Variants in TNIP1 observed in about 807,000 individuals in gnomAD.
TNIP1 encodes TNFAIP3 interacting protein 1.
In TNIP1, 22 loss-of-function variants were observed where a neutral mutation model predicts 86.6. That is an observed-to-expected ratio of 0.25 (90% CI 0.18 to 0.36). The LOEUF (loss-of-function observed/expected upper bound fraction) is 0.36. TNIP1 is among the 10% of genes least tolerant of loss of function. The pLI, the probability that TNIP1 is intolerant of heterozygous loss-of-function variation, is 1.00. For missense variants in TNIP1, 709 were observed against 820.6 expected, an observed-to-expected ratio of 0.86 and a Z score of 1.66; for synonymous variants, 294 against 313.0, an observed-to-expected ratio of 0.94 and a Z score of 0.64.
intron 6 of TNIP1, among the ~76,000 whole-genome samples, chr5:151,052,534 C>A (rs992620343): frequency 2.0e-5 from 3 of 152,214 alleles, no homozygotes; most frequent in African/African-American, 7.2e-5. Context: ...TCTCCTTCAT[C>A]CCTGCTCCCA....
At chr5:151,038,983 A>C in intron 12 of TNIP1, 114 bp downstream of exon 12, 1 of 1,399,182 alleles carries the variant, frequency 7.1e-7, no homozygotes, top group South Asian at 1.5e-5. Context: ...ATGCCAGCTC[A>C]CTGACTGGGG....
intron 13 of TNIP1, among the ~76,000 whole-genome samples, chr5:151,036,192 T>C (rs575588036): frequency 3.3e-5 from 5 of 152,304 alleles, no homozygotes; most frequent in African/African-American, 4.8e-5. Context: ...GCTGAGACAC[T>C]GGCTAGGTTC....
intron 1 of TNIP1, chr5:151,080,443 T>C (rs1763872572): frequency 3.3e-5 from 5 of 152,254 alleles, no homozygotes; most frequent in African/African-American, 1.2e-4. Flanking sequence ...CGTACAGCGT[T>C]AAGATCAGCA....
Position 151,063,679 on chromosome 5 carries a change from C to T in TNIP1, c.205G>A (p.Asp69Asn), listed in dbSNP as rs1224360731. The change falls in exon 3 of 18, where the codon GAC (aspartate) becomes AAC (asparagine). Residue 69 changes from aspartate (D) to asparagine (N), a missense_variant. Coordinates refer to ENST00000521591, the MANE Select transcript of TNIP1 (RefSeq NM_006058.5). ...GAAGGTGGTGGGAGCAGCTCGTTGT[C>T]CTTCACTAGCTCCTCTGCCTTCTGC... ...LRQKAEELVKDNELLPPPSPS... is the reference protein window; with the variant it reads ...LRQKAEELVKNNELLPPPSPS... 2 of 1,613,992 alleles carry T rather than the reference C, an allele frequency of 1.2e-6. No individual in the cohort carries two copies. Among genetic ancestry groups the T allele is most frequent in the Non-Finnish European group, 1.7e-6 (2 of 1,180,004 alleles).
chr5:151,034,370 G>C, intron 15 of TNIP1: 7 of 308,816 alleles, frequency 2.3e-5, no homozygotes, highest in South Asian at 1.8e-4. Flanking sequence ...TGGTACATGG[G>C]CACGGAAGGC....
chr5:151,033,186 G>A (rs1757142706), intron 16 of TNIP1, among the ~76,000 whole-genome samples: 1 of 149,036 alleles, frequency 6.7e-6, no homozygotes. Context: ...AGAAGAGGAG[G>A]GGAGGGGAGA....
intron 7 of TNIP1, 26 bp downstream of exon 7, chr5:151,052,139 C>T: frequency 6.2e-7 from 1 of 1,609,402 alleles, no homozygotes; most frequent in South Asian, 1.1e-5. Context: ...CACTCCTCAC[C>T]CCTTCTCTGA....
intron 1 of TNIP1, among the ~76,000 whole-genome samples, chr5:151,077,275 A>G (rs1312917174): frequency 6.6e-6 from 1 of 152,236 alleles, no homozygotes; most frequent in Non-Finnish European, 1.5e-5. Context: ...CTGACAATCC[A>G]TTCATGAAGC....
chr5:151,044,761 G>C (rs1489484540), intron 9 of TNIP1, among the ~76,000 whole-genome samples: 1 of 152,174 alleles, frequency 6.6e-6, no homozygotes, highest in Admixed American at 6.5e-5. Flanking sequence ...GACTGGACTA[G>C]ACTGGGGGTG....
chr5:151,049,720 G>A (rs1759651709), intron 8 of TNIP1, 104 bp downstream of exon 8: 1 of 1,369,276 alleles, frequency 7.3e-7, no homozygotes, highest in South Asian at 1.2e-5. Context: ...TCTACCACTG[G>A]CACTGGCTGC....
At chr5:151,065,892 T>TC (rs1762166300) in intron 1 of TNIP1, among the ~76,000 whole-genome samples, 1 of 151,486 alleles carries the variant, frequency 6.6e-6, no homozygotes, top group African/African-American at 2.4e-5. Context: ...AGCACCAAGG[T>TC]TTTTTTTTAG....
chr5:151,043,035 C>T lies in TNIP1; in HGVS notation c.937-74G>A, dbSNP rs1323840043. The T allele has an allele frequency of 1.6e-5, 23 of 1,480,722 alleles. 1 individual carries two copies. Among genetic ancestry groups the T allele is most frequent in the South Asian group, 1.1e-4 (10 of 88,154 alleles). 91.7% of individuals were successfully genotyped at this position (1,480,722 alleles called of 1,614,324 possible). A position where few individuals can be genotyped will look rare whatever the true frequency, so the allele number is the denominator to read the frequency against. ...GGAGAGCCATCTCCTGCCCCATGTACACCAGCGTCCCAAGGTGTGCTCGGT... is the reference window on the plus strand; with the variant it reads ...GGAGAGCCATCTCCTGCCCCATGTATACCAGCGTCCCAAGGTGTGCTCGGT... On this transcript the variant is annotated intron_variant, in intron 9 of 17. Transcript: ENST00000521591.
intron 10 of TNIP1, 30 bp from the exon 11 acceptor site, chr5:151,042,701 A>T: frequency 6.2e-7 from 1 of 1,613,156 alleles, no homozygotes; most frequent in Non-Finnish European, 8.5e-7. Flanking sequence ...GGAGTGTGTG[A>T]GGCAAGGATG....
upstream of TNIP1, among the ~76,000 whole-genome samples, chr5:151,081,665 G>A (rs1208943437): frequency 6.6e-6 from 1 of 152,338 alleles, no homozygotes; most frequent in African/African-American, 2.4e-5. Context: ...AATCACGCTA[G>A]GGAGGTGGGT....
At chr5:151,058,146 C>A (rs1760925894) in intron 5 of TNIP1, among the ~76,000 whole-genome samples, 1 of 152,186 alleles carries the variant, frequency 6.6e-6, no homozygotes, top group South Asian at 2.1e-4. Flanking sequence ...GTCTTGAACT[C>A]CTGACCTCAG....
intron 9 of TNIP1, among the ~76,000 whole-genome samples, chr5:151,044,277 A>G (rs1758837054): frequency 6.6e-6 from 1 of 152,136 alleles, no homozygotes; most frequent in South Asian, 2.1e-4. Flanking sequence ...CCTGGTTGCA[A>G]GTAATCTTCC....
At chr5:151,035,737 G>A in intron 13 of TNIP1, 30 bp from the exon 14 acceptor site, 4 of 1,612,670 alleles carry the variant, frequency 2.5e-6, no homozygotes, top group Non-Finnish European at 3.4e-6. Context: ...AAGAGAGGGA[G>A]GGGGATGGTC....
At chr5:151,045,786 C>A in intron 9 of TNIP1, 75 bp downstream of exon 9, 1 of 1,496,350 alleles carries the variant, frequency 6.7e-7, no homozygotes, top group Non-Finnish European at 9.3e-7. Flanking sequence ...AGCCAGGAGG[C>A]CAGGGCAAGC....
chr5:151,041,071 CT>C (rs397944698), intron 11 of TNIP1, among the ~76,000 whole-genome samples: 512 of 139,348 alleles, frequency 3.7e-3, no homozygotes, highest in Middle Eastern at 3.8e-3. Context: ...CTTCGTAGTA[CT>C]TTTTTTTTTT....
Sources: gnomAD v4.1 joint callset for allele counts (sites outside exome capture counted in the v4.1 genomes callset) on GRCh38, gnomAD v4.1.1 for gene constraint, MANE v1.5 for transcripts, NCBI Gene and HGNC (gene_info 2026-07-23, HGNC 2026-07-21) for gene names.